The following ZNF654 variants were observed in gnomAD, a reference collection of about 807,000 sequenced individuals.
The protein encoded by ZNF654 is melanoma-associated antigen.
A neutral mutation model predicts 95.3 loss-of-function variants in ZNF654; 19 were observed. That is an observed-to-expected ratio of 0.20 (90% confidence interval 0.14 to 0.29). The LOEUF (loss-of-function observed/expected upper bound fraction) is 0.29. ZNF654 is among the 10% of genes least tolerant of loss of function. The probability of loss-of-function intolerance (pLI) is 1.00; values close to 1 mark genes in which losing one functional copy is unlikely to be tolerated. For synonymous variants in ZNF654, 413 were observed against 457.9 expected (o/e 0.90, Z 1.25); for missense variants, 1,046 against 1,341.0 (o/e 0.78, Z 3.44).
intron 2 of ZNF654, among the ~76,000 whole-genome samples, chr3:88,107,902 AAT>A (rs1704841814): frequency 6.6e-6 from 1 of 152,118 alleles, no homozygotes; most frequent in African/African-American, 2.4e-5. Context: ...GTATGATTTT[AAT>A]AAAGTCTCTG....
At chr3:88,082,532 T>C (rs1392142484) in intron 1 of ZNF654, among the ~76,000 whole-genome samples, 4 of 152,174 alleles carry the variant, frequency 2.6e-5, no homozygotes, top group Non-Finnish European at 4.4e-5. Flanking sequence ...TTTGAGGTAA[T>C]GAAAGTTGAT....
At chr3:88,096,782 C>T (rs1467662617) in intron 2 of ZNF654, among the ~76,000 whole-genome samples, 1 of 152,026 alleles carries the variant, frequency 6.6e-6, no homozygotes, top group Non-Finnish European at 1.5e-5. Context: ...CAATGAGATA[C>T]CCTTGCCATT....
intron 1 of ZNF654, among the ~76,000 whole-genome samples, chr3:88,081,954 A>G (rs1274262584): frequency 6.6e-6 from 1 of 152,226 alleles, no homozygotes; most frequent in Non-Finnish European, 1.5e-5. Flanking sequence ...GAAGGGGGTA[A>G]GACTAACCTA....
At chr3:88,084,167 G>C (rs1422804960) in intron 1 of ZNF654, among the ~76,000 whole-genome samples, 2 of 152,158 alleles carry the variant, frequency 1.3e-5, no homozygotes, top group African/African-American at 4.8e-5. Flanking sequence ...GCTAGACTAG[G>C]CAAATACATT....
intron 2 of ZNF654, among the ~76,000 whole-genome samples, chr3:88,110,484 C>T (rs1455889372): frequency 6.6e-6 from 1 of 152,082 alleles, no homozygotes; most frequent in Non-Finnish European, 1.5e-5. Context: ...CCATGAAATA[C>T]TGTTCTTTTG....
intron 1 of ZNF654, among the ~76,000 whole-genome samples, chr3:88,082,748 A>G (rs1463528453): frequency 6.6e-6 from 1 of 152,186 alleles, no homozygotes; most frequent in Non-Finnish European, 1.5e-5. Context: ...TAAGAAACAG[A>G]TACTCATATT....
chr3:88,118,725 T>G (rs1705567278), intron 3 of ZNF654, among the ~76,000 whole-genome samples: 1 of 152,148 alleles, frequency 6.6e-6, no homozygotes, highest in African/African-American at 2.4e-5. Context: ...GCAAAGCATT[T>G]TTTGAGGCGA....
intron 6 of ZNF654, among the ~76,000 whole-genome samples, chr3:88,130,589 T>C (rs536489132): frequency 6.6e-6 from 1 of 150,806 alleles, no homozygotes; most frequent in Non-Finnish European, 1.5e-5. Context: ...TAGCTGGGAC[T>C]ACAGATGTGT....
At chr3:88,101,238 C>T (rs1704403840) in intron 2 of ZNF654, among the ~76,000 whole-genome samples, 1 of 152,068 alleles carries the variant, frequency 6.6e-6, no homozygotes, top group Non-Finnish European at 1.5e-5. Flanking sequence ...TTTTCATTTT[C>T]ATTACCCCAG....
intron 2 of ZNF654, among the ~76,000 whole-genome samples, chr3:88,102,817 C>CTTTTTTTT (rs10701359): frequency 1.5e-4 from 16 of 106,490 alleles, no homozygotes; most frequent in East Asian, 3.0e-4. Flanking sequence ...CCTCTACTGT[C>CTTTTTTTT]TTTTTTTTTT....
chr3:88,138,205 T>C (rs554628409), intron 7 of ZNF654, among the ~76,000 whole-genome samples: 6 of 152,252 alleles, frequency 3.9e-5, no homozygotes, highest in Admixed American at 2.0e-4. Context: ...TAACATTACT[T>C]AATAAGCAAA....
intron 6 of ZNF654, among the ~76,000 whole-genome samples, chr3:88,133,406 ATAGG>A (rs554699914): frequency 1.0e-3 from 154 of 152,260 alleles, no homozygotes; most frequent in African/African-American, 3.3e-3. Flanking sequence ...GGTTGGGGAA[ATAGG>A]TAGGATCGAT....
At position 88,126,144 on chromosome 3, in the gene ZNF654, A is replaced by G; in HGVS notation, c.425A>G (p.Asn142Ser). Reference protein sequence around the residue: ...DILGSFQECQNHLRRYGNVNL... With the variant: ...DILGSFQECQSHLRRYGNVNL... ...ATTTTTCTCTCCTAGGAATGCCAGAATCACCTCCGCAGATATGGAAATGTG... is the reference window on the plus strand; with the variant it reads ...ATTTTTCTCTCCTAGGAATGCCAGAGTCACCTCCGCAGATATGGAAATGTG... The change falls in exon 4 of 9, where the codon AAT becomes AGT. Residue 142 changes from asparagine (N) to serine (S), a missense_variant. Physicochemically the swap from Asn to Ser is conservative, Grantham distance 46. This residue lies in a region of ZNF654 where 91 missense variants were observed against 190.5 expected (regional missense o/e 0.48). Transcript: ENST00000636215. 1 of 1,507,340 alleles carries G rather than the reference A, an allele frequency of 6.6e-7. No homozygotes were observed. The highest frequency in any genetic ancestry group is 8.8e-7 in the Non-Finnish European group (1 of 1,131,484). The allele number at this position is 1,507,340 out of a possible 1,614,324, so 93.4% of individuals were successfully genotyped here. A position where few individuals can be genotyped will look rare whatever the true frequency, so the allele number is the denominator to read the frequency against.
chr3:88,077,173 A>G (rs1356340186), intron 1 of ZNF654, among the ~76,000 whole-genome samples: 2 of 152,178 alleles, frequency 1.3e-5, no homozygotes, highest in African/African-American at 2.4e-5. Context: ...TAAAAATATA[A>G]GAATCAGAAT....
chr3:88,110,090 T>C (rs1704997790), intron 2 of ZNF654, among the ~76,000 whole-genome samples: 1 of 152,136 alleles, frequency 6.6e-6, no homozygotes, highest in African/African-American at 2.4e-5. Flanking sequence ...TAAATAATGG[T>C]TGTACTATGT....
At position 88,140,876 on chromosome 3, in the gene ZNF654, T is replaced by G. The variant is rs368148211; in HGVS notation, c.3207T>G (p.Phe1069Leu). ...TTAGTATGCCAAAACGCAGAAAATT[T>G]CTGACTGATAGAGTAGATGCCTGTT... ...RYLSMPKRRK[F>L]LTDRVDACSD... is the part of the protein sequence containing the mutation. Residue 1069 changes from phenylalanine to leucine, a missense_variant, in exon 8 of 9, where the codon TTT (phenylalanine) becomes TTG (leucine). Around this residue, in one of 9 missense-constraint regions of ZNF654, gnomAD observed 59 missense variants for 73.0 expected, o/e 0.81. Coordinates refer to ENST00000636215, the MANE Select transcript of ZNF654 (RefSeq NM_001350134.2). 6.2e-7 allele frequency: 1 copy of G among 1,613,636 alleles called. No individual in the cohort carries two copies. The highest frequency in any genetic ancestry group is 8.5e-7 in the Non-Finnish European group (1 of 1,179,640).
intron 6 of ZNF654, among the ~76,000 whole-genome samples, chr3:88,130,529 G>A (rs1358366164): frequency 6.6e-6 from 1 of 151,850 alleles, no homozygotes; most frequent in African/African-American, 2.4e-5. Context: ...ATGGCTCACT[G>A]CAGCCTCAAC....
chr3:88,059,649 A>C, intron 1 of ZNF654, 144 bp downstream of exon 1: 66 of 918,848 alleles, frequency 7.2e-5, no homozygotes, highest in Non-Finnish European at 8.4e-5. Flanking sequence ...TCCCTCCTCC[A>C]CTTATCCGGC....
At chr3:88,128,164 A>ATTTAAC (rs1270037395) in intron 4 of ZNF654, among the ~76,000 whole-genome samples, 3 of 152,134 alleles carry the variant, frequency 2.0e-5, no homozygotes, top group Non-Finnish European at 4.4e-5. Flanking sequence ...GGTTGTTGTT[A>ATTTAAC]GGTCTAAATA....
Sources: gnomAD v4.1 joint callset for allele counts (sites outside exome capture counted in the v4.1 genomes callset) on GRCh38, gnomAD v4.1.1 for gene constraint, gnomAD v4.1.1 regional missense constraint, MANE v1.5 for transcripts, NCBI Gene and HGNC (gene_info 2026-07-23, HGNC 2026-07-21) for gene names.